ATP9A: variants seen among roughly 807,000 people sequenced by gnomAD.
The protein encoded by ATP9A is ATPase phospholipid transporting 9A, also known as probable phospholipid-transporting ATPase IIA.
Under a neutral mutation model 144.1 loss-of-function variants are expected in ATP9A, and 52 were observed. That is an observed-to-expected ratio of 0.36 (90% confidence interval 0.29 to 0.45). ATP9A has a LOEUF of 0.45. Ranked by LOEUF, ATP9A falls within the 20% of genes least tolerant of loss-of-function variation. The probability of loss-of-function intolerance (pLI) is 1.00; values close to 1 mark genes in which losing one functional copy is unlikely to be tolerated. For synonymous variants in ATP9A, 582 were observed against 557.4 expected (o/e 1.04, Z -0.62); for missense variants, 947 against 1,392.7 (o/e 0.68, Z 5.09).
intron 3 of ATP9A, among the ~76,000 whole-genome samples, chr20:51,719,053 G>A (rs1273673416): frequency 2.0e-5 from 3 of 151,080 alleles, no homozygotes; most frequent in Non-Finnish European, 3.0e-5. Flanking sequence ...GCTTGAACCC[G>A]GGAGGTGGAG....
intron 1 of ATP9A, among the ~76,000 whole-genome samples, chr20:51,759,688 TAATA>T (rs1568850399): frequency 6.6e-6 from 1 of 151,590 alleles, no homozygotes; most frequent in Non-Finnish European, 1.5e-5. Flanking sequence ...ATAATAATAA[TAATA>T]AATAAAATTA....
chr20:51,671,189 G>C lies in ATP9A; in HGVS notation c.1106C>G (p.Pro369Arg). The C allele has an allele frequency of 6.2e-7, 1 of 1,614,052 alleles. No homozygotes were observed. Among genetic ancestry groups the C allele is most frequent in the Non-Finnish European group, 8.5e-7 (1 of 1,179,996 alleles). Residue 369 changes from proline to arginine, a missense_variant, in exon 12 of 28, where the codon CCC becomes CGC. Coordinates refer to ENST00000338821, the MANE Select transcript of ATP9A (RefSeq NM_006045.3). ...CGTGCTGGAGCGAACCACGGTCCCG[G>C]GGATTTTCGAGTCCCTTCGAATCAC... ...SWVIRRDSKI[P>R]GTVVRSSTIP...
At chr20:51,752,172 G>A (rs2077835312) in intron 1 of ATP9A, among the ~76,000 whole-genome samples, 1 of 152,200 alleles carries the variant, frequency 6.6e-6, no homozygotes, top group African/African-American at 2.4e-5. Flanking sequence ...TGGGAGACAA[G>A]AGACAGCAGC....
intron 13 of ATP9A, 138 bp downstream of exon 13, chr20:51,669,859 T>C: frequency 1.5e-6 from 1 of 680,762 alleles, no homozygotes; most frequent in East Asian, 2.7e-5. Flanking sequence ...TGCTCAACTC[T>C]GAATATGCTT....
intron 4 of ATP9A, among the ~76,000 whole-genome samples, chr20:51,705,722 T>C (rs2122840259): frequency 6.6e-6 from 1 of 152,366 alleles, no homozygotes; most frequent in East Asian, 1.9e-4. Flanking sequence ...CCACCTGTGA[T>C]AATCGAGGCA....
At chr20:51,666,242 TCA>T (rs1349233238) in intron 13 of ATP9A, among the ~76,000 whole-genome samples, 1 of 152,022 alleles carries the variant, frequency 6.6e-6, no homozygotes, top group Non-Finnish European at 1.5e-5. Context: ...GGGATGAACC[TCA>T]GTTTCACAGC....
chr20:51,614,542 C>A (rs2122715469), intron 22 of ATP9A, among the ~76,000 whole-genome samples: 1 of 152,246 alleles, frequency 6.6e-6, no homozygotes, highest in South Asian at 2.1e-4. Flanking sequence ...CTCAAGCCAT[C>A]CGCCCACCTC....
At position 51,610,265 on chromosome 20, in the gene ATP9A, C is replaced by G; in HGVS notation, c.2572-100G>C. 3 of 914,310 alleles carry G rather than the reference C, an allele frequency of 3.3e-6. No homozygotes were observed. In the Admixed American group the frequency reaches 6.4e-5, roughly 20 times the overall value. 56.6% of individuals were successfully genotyped at this position (914,310 alleles called of 1,614,324 possible). ...CCTGATACTTACATAACACCCGCGC[C>G]GGCACTGCTGTAAGGTACTTTACAT... On this transcript the variant is annotated intron_variant, in intron 23 of 27. Transcript: ENST00000338821.
In ATP9A at chr20:51,716,179, T is replaced by C. The variant is rs188292415; in HGVS notation, c.328-3105A>G. On this transcript the variant is annotated intron_variant, in intron 3 of 27. Coordinates refer to ENST00000338821, the MANE Select transcript of ATP9A (RefSeq NM_006045.3). ...GAAGATCTGTGTATTTTATGGTATA[T>C]AGATTATATCTCAATAACAAAAATA... 7.9e-4 allele frequency among the ~76,000 whole-genome samples: 121 copies of C among 152,322 alleles called. 2 individuals carry two copies. Among genetic ancestry groups the C allele is most frequent in the Non-Finnish European group, 1.4e-3 (92 of 68,036 alleles).
Position 51,765,642 on chromosome 20 carries a change from C to A in ATP9A, c.68+2660G>T, listed in dbSNP as rs867750075. Among the ~76,000 whole-genome samples the A allele has an allele frequency of 4.2e-4, 46 of 110,516 alleles. 1 individual carries two copies. Among genetic ancestry groups the A allele is most frequent in the South Asian group, 8.6e-4 (3 of 3,480 alleles). The allele number at this position is 110,516 out of a possible 152,430, so 72.5% of individuals were successfully genotyped here. On this transcript the variant is annotated intron_variant, in intron 1 of 27. Transcript: ENST00000338821. Reference sequence around the variant, plus strand: ...TGGCAACAAGAGTGAAGCTACATCTCAAAAAAAAAAAACAGAATTAGATTA... The same window carrying A: ...TGGCAACAAGAGTGAAGCTACATCTAAAAAAAAAAAAACAGAATTAGATTA...
intron 14 of ATP9A, among the ~76,000 whole-genome samples, chr20:51,646,994 C>T (rs780109511): frequency 4.7e-4 from 72 of 152,070 alleles, no homozygotes; most frequent in Non-Finnish European, 8.8e-4. Context: ...CGGTGGGTGC[C>T]TGTAATTCCA....
At chr20:51,635,822 A>AAGGAAGGAAGGAAGGAAGGGAGGG (rs1270595027) in intron 15 of ATP9A, among the ~76,000 whole-genome samples, 2 of 119,346 alleles carry the variant, frequency 1.7e-5, no homozygotes, top group Non-Finnish European at 3.5e-5. Flanking sequence ...GGAAGGAAGG[A>AAGGAAGGAAGGAAGGAAGGGAGGG]AGGGAGGGAG....
At chr20:51,603,611 AAG>A (rs2077151598) in intron 27 of ATP9A, among the ~76,000 whole-genome samples, 1 of 152,092 alleles carries the variant, frequency 6.6e-6, no homozygotes, top group South Asian at 2.1e-4. Flanking sequence ...GTCAGCATGG[AAG>A]AGTGATGAAA....
chr20:51,732,030 C>T (rs1215869633), intron 1 of ATP9A, among the ~76,000 whole-genome samples: 1 of 152,054 alleles, frequency 6.6e-6, no homozygotes, highest in Non-Finnish European at 1.5e-5. Flanking sequence ...GGCAGAACGA[C>T]CCCAAGGGCG....
At chr20:51,752,182 CT>C (rs2077835368) in intron 1 of ATP9A, among the ~76,000 whole-genome samples, 1 of 152,206 alleles carries the variant, frequency 6.6e-6, no homozygotes, top group Admixed American at 6.5e-5. Context: ...GAGACAGCAG[CT>C]TACGAGCTGT....
At chr20:51,674,458 C>T in intron 10 of ATP9A, 145 bp from the exon 11 acceptor site, 1 of 726,814 alleles carries the variant, frequency 1.4e-6, no homozygotes, top group African/African-American at 1.8e-5. Flanking sequence ...CTACAAACAC[C>T]TCTACCCCAG....
intron 13 of ATP9A, 68 bp downstream of exon 13, chr20:51,669,929 A>T: frequency 3.0e-6 from 3 of 1,015,776 alleles, no homozygotes; most frequent in Non-Finnish European, 3.1e-6. Flanking sequence ...TGTGAATTAC[A>T]TCTCAATATA....
rs1327009340 is a variant in ATP9A, at chr20:51,596,771, C to T, written c.*4440G>A. 6.6e-6 allele frequency: 1 copy of T among 152,104 alleles called. No homozygotes were observed. The highest frequency in any genetic ancestry group is 1.9e-4 in the East Asian group (1 of 5,198). The allele number at this position is 152,104 out of a possible 1,614,324, so 9.4% of individuals were successfully genotyped here. A position where few individuals can be genotyped will look rare whatever the true frequency, so the allele number is the denominator to read the frequency against. ...TTCTGTACAAATTAAAATAATCCCC[C>T]AAGGCAGAACGTACACAAGCTTTAT... is the stretch of plus-strand genomic sequence containing the variant. On this transcript the variant is annotated 3_prime_UTR_variant, in exon 28 of 28. Transcript: ENST00000338821.
intron 11 of ATP9A, among the ~76,000 whole-genome samples, chr20:51,672,784 TG>T (rs917106074): frequency 4.7e-4 from 71 of 152,112 alleles, no homozygotes; most frequent in African/African-American, 1.7e-3. Context: ...CAGAACAATA[TG>T]GGGGAAAGTA....
Sources: gnomAD v4.1 joint callset for allele counts (sites outside exome capture counted in the v4.1 genomes callset) on GRCh38, gnomAD v4.1.1 for gene constraint, MANE v1.5 for transcripts, NCBI Gene and HGNC (gene_info 2026-07-23, HGNC 2026-07-21) for gene names.